RBBP8: variants seen among roughly 807,000 people sequenced by gnomAD.
RBBP8 encodes RB binding protein 8, endonuclease.
Under a neutral mutation model 108.3 loss-of-function variants are expected in RBBP8, and 88 were observed. The observed-to-expected ratio is 0.81, with a 90% CI of 0.68 to 0.97. RBBP8 has a LOEUF of 0.97. RBBP8 is among the 50% of genes least tolerant of loss of function. The pLI is 0.00. For missense variants in RBBP8, 1,023 were observed against 1,049.0 expected (o/e 0.98, Z 0.34); for synonymous variants, 332 against 348.2 (o/e 0.95, Z 0.52).
At chr18:22,982,505 CATGGTACAACTATGAGTTTAACTTCT>C (rs1915006183) in intron 7 of RBBP8, 112 bp downstream of exon 7, 3 of 1,564,662 alleles carry the variant, frequency 1.9e-6, no homozygotes, top group Non-Finnish European at 2.6e-6. Flanking sequence ...TCTGGTATCC[CATGGTACAACTATGAGTTTAACTTCT>C]ATTTGTAAAG....
intron 17 of RBBP8, 145 bp from the exon 18 acceptor site, chr18:23,021,984 A>G: frequency 1.5e-6 from 1 of 677,860 alleles, no homozygotes; most frequent in Non-Finnish European, 2.6e-6. Flanking sequence ...ATTAATTACT[A>G]ATAGTATCAT....
At chr18:22,985,040 G>A (rs752466730) in intron 8 of RBBP8, 50 bp downstream of exon 8, 1 of 1,605,366 alleles carries the variant, frequency 6.2e-7, no homozygotes, top group Non-Finnish European at 8.5e-7. Flanking sequence ...GTGGTTATTG[G>A]TGGGTAACAG....
intron 4 of RBBP8, among the ~76,000 whole-genome samples, chr18:22,963,366 T>C (rs1470456203): frequency 6.6e-6 from 1 of 152,234 alleles, no homozygotes; most frequent in Non-Finnish European, 1.5e-5. Flanking sequence ...TGAAACATAT[T>C]GTAAACTGTA....
At chr18:22,932,696 T>G (rs1170508266), upstream of RBBP8, among the ~76,000 whole-genome samples, 1 of 152,300 alleles carries the variant, frequency 6.6e-6, no homozygotes, top group Middle Eastern at 3.4e-3. Flanking sequence ...CTTTTACAAA[T>G]CAGGAGAAAT....
Position 22,946,504 on chromosome 18 carries a change from A to T in RBBP8, c.152+18A>T. 1 of 1,612,032 alleles carries T rather than the reference A, an allele frequency of 6.2e-7. No homozygotes were observed. Among genetic ancestry groups the T allele is most frequent in the Admixed American group, 1.7e-5 (1 of 59,964 alleles). On this transcript the variant is annotated intron_variant, in intron 3 of 18. Coordinates refer to ENST00000327155, the MANE Select transcript of RBBP8 (RefSeq NM_002894.3). The stretch of plus-strand genomic sequence containing the variant: ...CGAATCTTGTAAGTATCAGTATGTA[A>T]TACTCATGTGTTATTTATAGAGTAG...
chr18:23,024,362 A>T (rs2046421722), intron 18 of RBBP8, among the ~76,000 whole-genome samples: 1 of 152,206 alleles, frequency 6.6e-6, no homozygotes. Context: ...AAGAATTTTA[A>T]TTCAAAATCA....
intron 6 of RBBP8, among the ~76,000 whole-genome samples, chr18:22,979,440 A>G (rs983460930): frequency 5.3e-5 from 8 of 152,302 alleles, no homozygotes; most frequent in Non-Finnish European, 1.0e-4. Context: ...TCAGGAAATT[A>G]AAGTGTAAAT....
chr18:22,963,870 C>T (rs1480142341), intron 4 of RBBP8, among the ~76,000 whole-genome samples: 6 of 152,082 alleles, frequency 3.9e-5, no homozygotes, highest in Non-Finnish European at 5.9e-5. Context: ...ATTAGTCCCT[C>T]TCACTACCAT....
At chr18:22,931,175 A>C (rs901438051), upstream of RBBP8, among the ~76,000 whole-genome samples, 1 of 152,176 alleles carries the variant, frequency 6.6e-6, no homozygotes, top group Non-Finnish European at 1.5e-5. Flanking sequence ...CTAGTAGAAG[A>C]GACTATTGAA....
At chr18:22,987,640 C>A (rs1915419498) in intron 8 of RBBP8, among the ~76,000 whole-genome samples, 1 of 152,086 alleles carries the variant, frequency 6.6e-6, no homozygotes, top group African/African-American at 2.4e-5. Flanking sequence ...TTTTGTAGAA[C>A]AGTGTTTCAC....
intron 16 of RBBP8, among the ~76,000 whole-genome samples, chr18:23,013,687 T>G (rs2046209561): frequency 6.6e-6 from 1 of 152,232 alleles, no homozygotes; most frequent in East Asian, 1.9e-4. Flanking sequence ...TCATCTTTGT[T>G]TTAAAATAAC....
In RBBP8 at chr18:23,020,780, A is replaced by G. The variant is rs544096308; in HGVS notation, c.2455-1349A>G. Among the ~76,000 whole-genome samples, 9 of 152,230 alleles carry G rather than the reference A, an allele frequency of 5.9e-5. 1 individual carries two copies. In the South Asian group the frequency reaches 1.9e-3, roughly 32 times the overall value. ...CATTTGCTTGCTGTGTTACAACTGC[A>G]CTCACCGACTACTGTTTCTCAAATA... is the stretch of plus-strand genomic sequence containing the variant. On this transcript the variant is annotated intron_variant, in intron 17 of 18. Coordinates refer to ENST00000327155, the MANE Select transcript of RBBP8 (RefSeq NM_002894.3).
At chr18:23,010,107 A>G (rs1159113497) in intron 16 of RBBP8, among the ~76,000 whole-genome samples, 4 of 152,168 alleles carry the variant, frequency 2.6e-5, no homozygotes, top group African/African-American at 9.6e-5. Context: ...CAAGTTGTAT[A>G]TAGCGATATT....
chr18:23,001,584 AGAT>A lies in RBBP8; in HGVS notation c.2145_2147del (p.Asn715_Glu716delinsLys). The stretch of plus-strand genomic sequence containing the variant: ...GCCCTAAGCCAGTGCTCTTTTACAT[AGAT>A]GAAGAAAGAAAAATGAATGATAGCT... On this transcript the variant is annotated splice_acceptor_variant and coding_sequence_variant, in exon 15 of 19. Coordinates refer to ENST00000327155, the MANE Select transcript of RBBP8 (RefSeq NM_002894.3). LOFTEE classifies it high-confidence loss of function. 1 of 1,614,124 alleles carries A rather than the reference AGAT, an allele frequency of 6.2e-7. No homozygotes were observed. The highest frequency in any genetic ancestry group is 8.5e-7 in the Non-Finnish European group (1 of 1,180,004).
intron 2 of RBBP8, among the ~76,000 whole-genome samples, chr18:22,938,878 A>G (rs1910810819): frequency 6.6e-6 from 1 of 152,248 alleles, no homozygotes; most frequent in South Asian, 2.1e-4. Context: ...AGATAATTAC[A>G]GTACAGTGAA....
chr18:22,985,832 A>G (rs933549711), intron 8 of RBBP8, among the ~76,000 whole-genome samples: 2 of 151,976 alleles, frequency 1.3e-5, no homozygotes, highest in Admixed American at 6.5e-5. Context: ...GATGGCATCT[A>G]AGCCATGAAA....
At chr18:22,975,116 ATATAT>A in intron 5 of RBBP8, 32 bp from the exon 6 acceptor site, 1 of 1,569,724 alleles carries the variant, frequency 6.4e-7, no homozygotes, top group Non-Finnish European at 8.7e-7. Context: ...GTTAATATAA[ATATAT>A]TATTTGCCTT....
At chr18:22,979,025 T>TG (rs1174915030) in intron 6 of RBBP8, among the ~76,000 whole-genome samples, 1 of 152,208 alleles carries the variant, frequency 6.6e-6, no homozygotes, top group African/African-American at 2.4e-5. Flanking sequence ...CTCAGCACTT[T>TG]GGGAGGCCAA....
intron 8 of RBBP8, among the ~76,000 whole-genome samples, chr18:22,987,957 A>G (rs1915443675): frequency 6.6e-6 from 1 of 152,068 alleles, no homozygotes; most frequent in Non-Finnish European, 1.5e-5. Context: ...TGTCAAACCA[A>G]CTCTTCATCC....
Sources: gnomAD v4.1 joint callset for allele counts (sites outside exome capture counted in the v4.1 genomes callset) on GRCh38, gnomAD v4.1.1 for gene constraint, MANE v1.5 for transcripts, NCBI Gene and HGNC (gene_info 2026-07-23, HGNC 2026-07-21) for gene names.